The following CLEC16A variants were observed in gnomAD, a reference collection of about 807,000 sequenced individuals.
CLEC16A encodes protein CLEC16A.
CLEC16A carries 51 observed loss-of-function variants against 109.5 expected under a neutral mutation model. The ratio of observed to expected loss-of-function variants is 0.47; its 90% CI spans 0.37 to 0.59. The LOEUF (loss-of-function observed/expected upper bound fraction) is 0.59. Ranked by LOEUF, CLEC16A falls within the 20% of genes least tolerant of loss-of-function variation. The probability of loss-of-function intolerance (pLI) is 0.00; values close to 1 mark genes in which losing one functional copy is unlikely to be tolerated. For synonymous variants in CLEC16A, 673 were observed against 564.2 expected (o/e 1.19, Z -2.73); for missense variants, 1,339 against 1,394.0 (o/e 0.96, Z 0.63).
chr16:10,944,595 G>A lies in CLEC16A; in HGVS notation c.-123G>A. On this transcript the variant is annotated 5_prime_UTR_variant, in exon 1 of 24. Coordinates refer to ENST00000409790, the MANE Select transcript of CLEC16A (RefSeq NM_015226.3). ...GGGCTGTGGGCCGGGGAGGAAGGCG[G>A]CTCGCGGTTCCTCCACCGCCTCCGC... 2.1e-6 allele frequency: 2 copies of A among 938,894 alleles called. No individual in the cohort carries two copies. Among genetic ancestry groups the A allele is most frequent in the Admixed American group, 4.7e-5 (2 of 42,878 alleles). 58.2% of individuals were successfully genotyped at this position (938,894 alleles called of 1,614,324 possible).
chr16:10,982,751 G>A (rs931518000), intron 9 of CLEC16A, 127 bp from the exon 10 acceptor site: 1 of 600,022 alleles, frequency 1.7e-6, no homozygotes, highest in Non-Finnish European at 3.1e-6. Flanking sequence ...TTTGAATTTT[G>A]CATCGTAGGA....
intron 23 of CLEC16A, among the ~76,000 whole-genome samples, chr16:11,171,135 C>CGGA (rs2068493828): frequency 6.6e-6 from 1 of 152,224 alleles, no homozygotes; most frequent in Non-Finnish European, 1.5e-5. Context: ...TTTTGAGGAA[C>CGGA]ATTCCCCATG....
Position 11,027,337 on chromosome 16 carries a change from G to T in CLEC16A, c.1537+2416G>T, listed in dbSNP as rs578124459. The T allele has an allele frequency of 1.2e-4, 177 of 1,418,360 alleles. 3 individuals are homozygous for T. In the South Asian group the frequency reaches 1.9e-3, roughly 16 times the overall value. The allele number at this position is 1,418,360 out of a possible 1,614,324, so 87.9% of individuals were successfully genotyped here. A position where few individuals can be genotyped will look rare whatever the true frequency, so the allele number is the denominator to read the frequency against. ...GATGGCGTGAGTTTACTGGTGCAGAGAACCATTGCAAGACTTTGCCTAAAG... is the reference window on the plus strand; with the variant it reads ...GATGGCGTGAGTTTACTGGTGCAGATAACCATTGCAAGACTTTGCCTAAAG... On this transcript the variant is annotated intron_variant, in intron 13 of 23. Transcript: ENST00000409790.
chr16:11,096,946 A>G (rs1278283677), intron 19 of CLEC16A, among the ~76,000 whole-genome samples: 8 of 152,220 alleles, frequency 5.3e-5, no homozygotes, highest in Non-Finnish European at 1.0e-4. Context: ...AATCCTTAGG[A>G]TGGTCAGGAA....
chr16:10,949,163 CAG>C (rs961270192), intron 1 of CLEC16A, among the ~76,000 whole-genome samples: 1 of 152,222 alleles, frequency 6.6e-6, no homozygotes, highest in Non-Finnish European at 1.5e-5. Context: ...GGCAGGTAGA[CAG>C]ACGCACACCT....
chr16:11,071,511 A>G (rs1161809129), intron 19 of CLEC16A, among the ~76,000 whole-genome samples: 1 of 152,072 alleles, frequency 6.6e-6, no homozygotes, highest in African/African-American at 2.4e-5. Flanking sequence ...GAGGGGGAAA[A>G]GTAGCCTTAA....
At chr16:11,142,125 G>A (rs944040589) in intron 22 of CLEC16A, among the ~76,000 whole-genome samples, 2 of 152,152 alleles carry the variant, frequency 1.3e-5, no homozygotes, top group African/African-American at 2.4e-5. Flanking sequence ...CCTACTTACC[G>A]GGGGAGGAGG....
Position 11,181,051 on chromosome 16 carries a change from C to T in CLEC16A, c.*2361C>T, listed in dbSNP as rs27833. 2.2e-3 allele frequency: 342 copies of T among 152,492 alleles called. 3 individuals carry two copies. The highest frequency in any genetic ancestry group is 8.0e-3 in the African/African-American group (333 of 41,584). 9.4% of individuals were successfully genotyped at this position (152,492 alleles called of 1,614,324 possible). ...GGGCTGGCAACTTGCGTCTGGGGGA[C>T]ACCTCCAGGTGTGTGGGGTGAGGAT... On this transcript the variant is annotated 3_prime_UTR_variant, in exon 24 of 24. Transcript: ENST00000409790.
At chr16:10,958,429 A>T (rs2042094089) in intron 2 of CLEC16A, among the ~76,000 whole-genome samples, 1 of 152,168 alleles carries the variant, frequency 6.6e-6, no homozygotes, top group Non-Finnish European at 1.5e-5. Context: ...ACCCAGAATC[A>T]GTGAGGGGTC....
chr16:11,000,324 C>T (rs1456363552), intron 10 of CLEC16A, among the ~76,000 whole-genome samples: 1 of 152,216 alleles, frequency 6.6e-6, no homozygotes, highest in Non-Finnish European at 1.5e-5. Flanking sequence ...TTCTGTATGT[C>T]TGAGTCCACA....
intron 11 of CLEC16A, among the ~76,000 whole-genome samples, chr16:11,009,140 TG>T (rs1334877286): frequency 6.6e-6 from 1 of 152,228 alleles, no homozygotes; most frequent in African/African-American, 2.4e-5. Context: ...TCTGTCTTTA[TG>T]GGTTTGACTG....
rs2048982056 is a variant in CLEC16A, at chr16:11,070,075, T to C, written c.2116+9053T>C. On this transcript the variant is annotated intron_variant, in intron 19 of 23. Transcript: ENST00000409790. Reference sequence around the variant, plus strand: ...CAGCACCTTGTTTGAACTGCCACCATTTTTTTTTTTTTTGAGACGGAGTCT... The same window carrying C: ...CAGCACCTTGTTTGAACTGCCACCACTTTTTTTTTTTTTGAGACGGAGTCT... Among the ~76,000 whole-genome samples, 2 of 19,864 alleles carry C rather than the reference T, an allele frequency of 1.0e-4. 1 individual carries two copies. The highest frequency in any genetic ancestry group is 0.083 in the Middle Eastern group (2 of 24). 13.0% of individuals were successfully genotyped at this position (19,864 alleles called of 152,430 possible). A position where few individuals can be genotyped will look rare whatever the true frequency, so the allele number is the denominator to read the frequency against.
At chr16:11,097,132 C>A (rs1178273123) in intron 19 of CLEC16A, among the ~76,000 whole-genome samples, 1 of 152,198 alleles carries the variant, frequency 6.6e-6, no homozygotes, top group Non-Finnish European at 1.5e-5. Flanking sequence ...TACACCCAAC[C>A]ATGAGAACGG....
intron 9 of CLEC16A, among the ~76,000 whole-genome samples, chr16:10,980,931 T>C (rs964978278): frequency 6.6e-6 from 1 of 152,216 alleles, no homozygotes; most frequent in African/African-American, 2.4e-5. Flanking sequence ...ATGAAAATTT[T>C]TATGGATGAC....
chr16:10,959,100 T>C (rs187532802), intron 2 of CLEC16A, among the ~76,000 whole-genome samples: 118 of 152,040 alleles, frequency 7.8e-4, no homozygotes, highest in Admixed American at 4.0e-3. Flanking sequence ...TTTTGAAAAG[T>C]AAAAGTGTTC....
chr16:11,131,943 C>T (rs1043618546), intron 22 of CLEC16A, among the ~76,000 whole-genome samples: 8 of 152,204 alleles, frequency 5.3e-5, no homozygotes, highest in East Asian at 1.9e-4. Context: ...TGCTTCCCTC[C>T]GCCTGGAGCC....
chr16:11,014,823 A>C (rs1407710112), intron 11 of CLEC16A, among the ~76,000 whole-genome samples: 4 of 152,176 alleles, frequency 2.6e-5, no homozygotes, highest in African/African-American at 9.7e-5. Flanking sequence ...GACAACAGGG[A>C]CAATTGGAGT....
rs377719041 is a variant in CLEC16A at position 11,108,997 on chromosome 16, G to T, written c.2117-11618G>T. On this transcript the variant is annotated intron_variant, in intron 19 of 23. Transcript: ENST00000409790. ...GTGGTGGCGGGCGCCTGTAGTCCCA[G>T]TTACTCGGGAGGCTGAGGCAGGAGA... Among the ~76,000 whole-genome samples, 11 of 150,894 alleles carry T rather than the reference G, an allele frequency of 7.3e-5. No homozygotes were observed. The South Asian group carries it at 1.3e-3, about 18-fold the overall frequency.
rs1038788977 is a variant in CLEC16A at position 11,166,448 on chromosome 16, C to T, written c.2702C>T (p.Pro901Leu). The T allele has an allele frequency of 6.2e-7, 1 of 1,607,590 alleles. No individual in the cohort carries two copies. Among genetic ancestry groups the T allele is most frequent in the Non-Finnish European group, 8.5e-7 (1 of 1,179,782 alleles). ...TCCCCGTCCCTGTCCTCACAGTCGC[C>T]ACCCTCCGCCAGCGGGAGCCCCAGC... is the stretch of plus-strand genomic sequence containing the variant. ...HSSPSLSSQS[P>L]PSASGSPSGS... The change falls in exon 23 of 24, where the codon CCA becomes CTA. Residue 901 changes from proline (P) to leucine (L), a missense_variant. Pro to Leu is a moderately conservative substitution (Grantham distance 98). Coordinates refer to ENST00000409790, the MANE Select transcript of CLEC16A (RefSeq NM_015226.3).
Sources: gnomAD v4.1 joint callset for allele counts (sites outside exome capture counted in the v4.1 genomes callset) on GRCh38, gnomAD v4.1.1 for gene constraint, MANE v1.5 for transcripts, NCBI Gene and HGNC (gene_info 2026-07-23, HGNC 2026-07-21) for gene names.